The following HSPB8 variants were observed in gnomAD, a reference collection of about 807,000 sequenced individuals.
The protein encoded by HSPB8 is heat shock protein beta-8.
A neutral mutation model predicts 16.5 loss-of-function variants in HSPB8; 9 were observed. That is an observed-to-expected ratio of 0.55 (90% CI 0.33 to 0.95). HSPB8 has a LOEUF of 0.95. Among genes scored for constraint, HSPB8 ranks in the 40% least tolerant of loss-of-function variants. The pLI, the probability that HSPB8 is intolerant of heterozygous loss-of-function variation, is 0.03. For missense variants in HSPB8, 238 were observed against 251.2 expected, an observed-to-expected ratio of 0.95 and a Z score of 0.35; for synonymous variants, 99 against 94.8, an observed-to-expected ratio of 1.04 and a Z score of -0.26.
chr12:119,179,285 C>T lies in HSPB8; in HGVS notation c.-28C>T. 1 of 1,612,130 alleles carries T rather than the reference C, an allele frequency of 6.2e-7. No individual in the cohort carries two copies. The highest frequency in any genetic ancestry group is 2.2e-5 in the East Asian group (1 of 44,872). On this transcript the variant is annotated 5_prime_UTR_variant, in exon 1 of 3. Transcript: ENST00000281938. ...CAGGTGGTTCTGTCTCTCTGAGCCT[C>T]TGTTTCTCTCTGAGCTGAGCAGCCA...
intron 1 of HSPB8, chr12:119,182,843 A>C (rs1458007101): frequency 6.6e-6 from 1 of 152,094 alleles, no homozygotes; most frequent in Non-Finnish European, 1.5e-5. Flanking sequence ...TATACAGATA[A>C]GGAAGCCGAG....
intron 2 of HSPB8, among the ~76,000 whole-genome samples, chr12:119,188,366 T>C (rs1954690630): frequency 1.3e-5 from 2 of 151,024 alleles, no homozygotes. Context: ...CCGGCCTCAA[T>C]CTCCCAAGTA....
chr12:119,192,382 C>T (rs1954717362), intron 2 of HSPB8, among the ~76,000 whole-genome samples: 1 of 152,082 alleles, frequency 6.6e-6, no homozygotes, highest in Non-Finnish European at 1.5e-5. Flanking sequence ...ATTGGCTGGG[C>T]TCGGTGGCTC....
chr12:119,181,115 G>A (rs1954634017), intron 1 of HSPB8, among the ~76,000 whole-genome samples: 1 of 152,208 alleles, frequency 6.6e-6, no homozygotes, highest in Non-Finnish European at 1.5e-5. Flanking sequence ...TAAGTGAGGT[G>A]ATGCTGTAAA....
rs762887808 is a variant in HSPB8, at chr12:119,179,322, G to C, written c.10G>C (p.Gly4Arg). The change falls in exon 1 of 3, where the codon GGT becomes CGT. Residue 4 changes from glycine to arginine, a missense_variant. Transcript: ENST00000281938. MAD[G>R]QMPFSCHYPS... is the part of the protein sequence containing the mutation. ...GAGCTGAGCAGCCACCATGGCTGAC[G>C]GTCAGATGCCCTTCTCCTGCCACTA... is the stretch of plus-strand genomic sequence containing the variant. 5.6e-6 allele frequency: 9 copies of C among 1,613,710 alleles called. No homozygotes were observed. The highest frequency in any genetic ancestry group is 6.8e-6 in the Non-Finnish European group (8 of 1,180,006).
chr12:119,180,463 T>C (rs1342623031), intron 1 of HSPB8, among the ~76,000 whole-genome samples: 1 of 152,090 alleles, frequency 6.6e-6, no homozygotes, highest in Non-Finnish European at 1.5e-5. Flanking sequence ...TCCAAAATCA[T>C]CCTCAGTCCA....
At chr12:119,180,844 G>A (rs551926480) in intron 1 of HSPB8, among the ~76,000 whole-genome samples, 15 of 152,286 alleles carry the variant, frequency 9.8e-5, no homozygotes, top group African/African-American at 3.6e-4. Flanking sequence ...CAGCATTCAG[G>A]GGGAGTTTCA....
chr12:119,190,363 G>T (rs1592931799), intron 2 of HSPB8, among the ~76,000 whole-genome samples: 1 of 152,160 alleles, frequency 6.6e-6, no homozygotes, highest in African/African-American at 2.4e-5. Context: ...CTTCAGCCAG[G>T]CTGAGATCCT....
chr12:119,186,483 G>A (rs147350782), intron 1 of HSPB8, among the ~76,000 whole-genome samples: 1 of 152,288 alleles, frequency 6.6e-6, no homozygotes, highest in Non-Finnish European at 1.5e-5. Context: ...GGCGACCCTG[G>A]ATCCATCACC....
intron 1 of HSPB8, among the ~76,000 whole-genome samples, 175 bp downstream of exon 1, chr12:119,179,854 C>T (rs1954625853): frequency 6.6e-6 from 1 of 152,166 alleles, no homozygotes. Context: ...TCTCTCCCGG[C>T]TCCCAGCAGA....
intron 2 of HSPB8, among the ~76,000 whole-genome samples, chr12:119,189,875 C>A (rs1407564860): frequency 6.6e-6 from 1 of 152,210 alleles, no homozygotes; most frequent in Non-Finnish European, 1.5e-5. Flanking sequence ...CACCTTCCAA[C>A]AACTAAAGGG....
In HSPB8 at chr12:119,181,273, T is replaced by C. The variant is rs917828381; in HGVS notation, c.367+1594T>C. 4.6e-5 allele frequency among the ~76,000 whole-genome samples: 7 copies of C among 152,288 alleles called. No individual in the cohort carries two copies. In the South Asian group the frequency reaches 8.3e-4, roughly 18 times the overall value. ...CCAAGGTGGTCTGGGCACAGCTTAA[T>C]TTTATACATTTTAGAGAGACATGAG... On this transcript the variant is annotated intron_variant, in intron 1 of 2. Transcript: ENST00000281938.
In HSPB8 at chr12:119,179,239, A is replaced by C. The variant is rs1057101638; in HGVS notation, c.-74A>C. ...AAGAATAAGCTAGCCCAGCCACACC[A>C]CCTTGTTGTGTGACCTTGGGCAGGT... On this transcript the variant is annotated 5_prime_UTR_variant, in exon 1 of 3. Transcript: ENST00000281938. The C allele has an allele frequency of 7.3e-6, 11 of 1,499,400 alleles. No individual in the cohort carries two copies. The African/African-American group carries it at 1.5e-4, about 21-fold the overall frequency. 92.9% of individuals were successfully genotyped at this position (1,499,400 alleles called of 1,614,324 possible). A position where few individuals can be genotyped will look rare whatever the true frequency, so the allele number is the denominator to read the frequency against.
chr12:119,182,214 CA>C (rs1432289033), intron 1 of HSPB8: 2 of 152,128 alleles, frequency 1.3e-5, no homozygotes, highest in Non-Finnish European at 2.9e-5. Context: ...TTAAATAAGA[CA>C]AAGACAAAGC....
At chr12:119,192,760 T>C (rs896082196) in intron 2 of HSPB8, among the ~76,000 whole-genome samples, 21 of 152,158 alleles carry the variant, frequency 1.4e-4, no homozygotes, top group African/African-American at 4.6e-4. Context: ...ATAATTGATA[T>C]ATATATGAAA....
chr12:119,194,234 C>G lies in HSPB8; in HGVS notation c.*376C>G. The G allele has an allele frequency of 3.2e-6, 1 of 316,684 alleles. No homozygotes were observed. Among genetic ancestry groups the G allele is most frequent in the Non-Finnish European group, 6.1e-6 (1 of 165,010 alleles). The allele number at this position is 316,684 out of a possible 1,614,324, so 19.6% of individuals were successfully genotyped here. On this transcript the variant is annotated 3_prime_UTR_variant, in exon 3 of 3. Transcript: ENST00000281938. ...GGGGACCTCCCCCATCACCCAGGTT[C>G]CTACTCTGGGCTCCCGATTCCCATG...
chr12:119,193,570 G>A (rs1387452041), intron 2 of HSPB8, 129 bp from the exon 3 acceptor site: 1 of 965,678 alleles, frequency 1.0e-6, no homozygotes, highest in South Asian at 1.4e-5. Context: ...GTAGAGCCAG[G>A]ATTCAAACCC....
At chr12:119,184,559 A>G (rs1042093351) in intron 1 of HSPB8, among the ~76,000 whole-genome samples, 2 of 152,212 alleles carry the variant, frequency 1.3e-5, no homozygotes, top group African/African-American at 4.8e-5. Flanking sequence ...GTTGGTGGTC[A>G]TGGAGTTGGC....
At chr12:119,181,896 T>C (rs1954640304) in intron 1 of HSPB8, among the ~76,000 whole-genome samples, 1 of 152,202 alleles carries the variant, frequency 6.6e-6, no homozygotes, top group Admixed American at 6.5e-5. Flanking sequence ...AAAATGGAGC[T>C]AATAATAGTG....
Sources: gnomAD v4.1 joint callset for allele counts (sites outside exome capture counted in the v4.1 genomes callset) on GRCh38, gnomAD v4.1.1 for gene constraint, MANE v1.5 for transcripts, NCBI Gene and HGNC (gene_info 2026-07-23, HGNC 2026-07-21) for gene names.